Variants in ABL2 observed in about 807,000 individuals in gnomAD.
ABL2 encodes tyrosine-protein kinase ABL2.
A neutral mutation model predicts 107.7 loss-of-function variants in ABL2; 49 were observed. The observed-to-expected ratio is 0.45, with a 90% CI of 0.36 to 0.58. The LOEUF (loss-of-function observed/expected upper bound fraction) is 0.58. ABL2 is among the 20% of genes least tolerant of loss of function. The pLI is 0.00. For synonymous variants in ABL2, 549 were observed against 548.6 expected, an observed-to-expected ratio of 1.00 and a Z score of -0.01; for missense variants, 1,245 against 1,457.0, an observed-to-expected ratio of 0.85 and a Z score of 2.37.
chr1:179,215,028 C>T (rs944569279), intron 1 of ABL2, among the ~76,000 whole-genome samples: 9 of 151,908 alleles, frequency 5.9e-5, no homozygotes, highest in South Asian at 2.1e-4. Flanking sequence ...GGTGTGGTGG[C>T]GGGCGCCTGT....
chr1:179,184,494 A>G (rs557496494), intron 1 of ABL2: 2 of 774,726 alleles, frequency 2.6e-6, no homozygotes, highest in South Asian at 3.2e-5. Context: ...AGGAAAGTTC[A>G]TCAAAGATGA....
At chr1:179,162,402 T>C (rs1659121270) in intron 1 of ABL2, among the ~76,000 whole-genome samples, 1 of 152,024 alleles carries the variant, frequency 6.6e-6, no homozygotes, top group South Asian at 2.1e-4. Flanking sequence ...TGGGCCAATA[T>C]GGCGAAACCC....
At chr1:179,193,951 T>G (rs1342073306) in intron 1 of ABL2, among the ~76,000 whole-genome samples, 3 of 152,166 alleles carry the variant, frequency 2.0e-5, no homozygotes, top group African/African-American at 7.2e-5. Context: ...TTAGCCAGGA[T>G]GGTCTCGATC....
chr1:179,197,475 C>A (rs1661383872), intron 1 of ABL2, among the ~76,000 whole-genome samples: 1 of 149,956 alleles, frequency 6.7e-6, no homozygotes. Context: ...ACTATAAACT[C>A]AATTCACCAA....
intron 10 of ABL2, 47 bp downstream of exon 10, chr1:179,112,262 C>T: frequency 6.6e-7 from 1 of 1,517,554 alleles, no homozygotes; most frequent in Non-Finnish European, 9.1e-7. Context: ...ACCACCACCA[C>T]CACTACCCAG....
chr1:179,229,429 G>A lies in ABL2; in HGVS notation c.-32C>T, dbSNP rs1281532991. 6.8e-7 allele frequency: 1 copy of A among 1,471,298 alleles called. No homozygotes were observed. The highest frequency in any genetic ancestry group is 2.4e-5 in the Admixed American group (1 of 41,502). 91.1% of individuals were successfully genotyped at this position (1,471,298 alleles called of 1,614,324 possible). ...TCTCGCGTACTCCCGCGCCCCCGCC[G>A]ACCCCTGGTCACATTCCTCCTCGGC... On this transcript the variant is annotated 5_prime_UTR_variant, in exon 1 of 12. Coordinates refer to ENST00000502732, the MANE Select transcript of ABL2 (RefSeq NM_007314.4).
In ABL2 at chr1:179,180,659, C is replaced by T. The variant is rs1008201534; in HGVS notation, c.158-47285G>A. 1.1e-4 allele frequency among the ~76,000 whole-genome samples: 16 copies of T among 152,208 alleles called. 1 individual carries two copies. The highest frequency in any genetic ancestry group is 3.1e-4 in the African/African-American group (13 of 41,516). Reference sequence around the variant, plus strand: ...GGAACTATTCATATTTTAAACAGAACATTATACCAACAAAATAATAGAGGA... The same window carrying T: ...GGAACTATTCATATTTTAAACAGAATATTATACCAACAAAATAATAGAGGA... On this transcript the variant is annotated intron_variant, in intron 1 of 11. Coordinates refer to ENST00000502732, the MANE Select transcript of ABL2 (RefSeq NM_007314.4).
At chr1:179,117,074 G>C in intron 8 of ABL2, 1 of 459,036 alleles carries the variant, frequency 2.2e-6, no homozygotes, top group South Asian at 2.2e-5. Flanking sequence ...TTGACCTCAA[G>C]TGATCCACCC....
chr1:179,136,732 A>ATAAATGAG (rs1164866724), intron 1 of ABL2, among the ~76,000 whole-genome samples: 1 of 148,596 alleles, frequency 6.7e-6, no homozygotes, highest in Non-Finnish European at 1.5e-5. Context: ...AAATAAATAA[A>ATAAATGAG]TAAATAAATA....
rs1391429785 is a variant in ABL2, at chr1:179,121,580, T to C, written c.960+15A>G. ...AGAAAAAGATGCCTGAAAACTGTAA[T>C]TCTCAGCAACCCACCTTCAATGTTT... On this transcript the variant is annotated intron_variant, in intron 5 of 11. Transcript: ENST00000502732. 6.2e-7 allele frequency: 1 copy of C among 1,605,956 alleles called. No individual in the cohort carries two copies. The highest frequency in any genetic ancestry group is 8.5e-7 in the Non-Finnish European group (1 of 1,174,084).
chr1:179,138,871 G>A (rs1657292397), intron 1 of ABL2, among the ~76,000 whole-genome samples: 1 of 152,244 alleles, frequency 6.6e-6, no homozygotes. Context: ...GGGGCTGCCT[G>A]CCGCGCTTGC....
Position 179,102,041 on chromosome 1 carries a change from TCTCA to T in ABL2, c.*5673_*5676del, listed in dbSNP as rs1653145224. Reference sequence around the variant, plus strand: ...TTTTTTTTTTTTTTTTGAGACGGAGTCTCACTGTCACCCAGGCTGGAGTGCAGTG... The same window carrying T: ...TTTTTTTTTTTTTTTTGAGACGGAGTCTGTCACCCAGGCTGGAGTGCAGTG... On this transcript the variant is annotated 3_prime_UTR_variant, in exon 12 of 12. Coordinates refer to ENST00000502732, the MANE Select transcript of ABL2 (RefSeq NM_007314.4). The T allele has an allele frequency of 2.4e-5, 3 of 127,038 alleles. No homozygotes were observed. The South Asian group carries it at 9.1e-4, about 38-fold the overall frequency. 7.9% of individuals were successfully genotyped at this position (127,038 alleles called of 1,614,324 possible).
intron 1 of ABL2, among the ~76,000 whole-genome samples, chr1:179,174,919 AAAAT>A (rs1659957299): frequency 7.4e-6 from 1 of 134,972 alleles, no homozygotes; most frequent in Non-Finnish European, 1.6e-5. Context: ...TAAAATAAAA[AAAAT>A]AATAATAATA....
intron 1 of ABL2, among the ~76,000 whole-genome samples, chr1:179,211,288 C>T (rs544333378): frequency 6.6e-6 from 1 of 152,048 alleles, no homozygotes; most frequent in Non-Finnish European, 1.5e-5. Flanking sequence ...GAGGCTGAGG[C>T]GGGAGAATTG....
rs7534283 is a variant in ABL2 at position 179,173,104 on chromosome 1, C to T, written c.158-39730G>A. On this transcript the variant is annotated intron_variant, in intron 1 of 11. Coordinates refer to ENST00000502732, the MANE Select transcript of ABL2 (RefSeq NM_007314.4). ...ACCCAGGAGGCTTAGGCAGGAGAATCGCTGGAAGCCGGGAGGTGGAGGTTG... is the reference window on the plus strand; with the variant it reads ...ACCCAGGAGGCTTAGGCAGGAGAATTGCTGGAAGCCGGGAGGTGGAGGTTG... Among the ~76,000 whole-genome samples the T allele has an allele frequency of 1.4e-4, 21 of 151,130 alleles. No homozygotes were observed. The East Asian group carries it at 4.0e-3, about 29-fold the overall frequency.
At chr1:179,143,216 G>T in intron 1 of ABL2, 1 of 866,552 alleles carries the variant, frequency 1.2e-6, no homozygotes, top group Non-Finnish European at 1.6e-6. Flanking sequence ...GGTGGAGAGT[G>T]ACCTAAAGGA....
intron 3 of ABL2, 41 bp downstream of exon 3, chr1:179,131,270 T>A: frequency 6.3e-7 from 1 of 1,593,006 alleles, no homozygotes; most frequent in Non-Finnish European, 8.6e-7. Context: ...TAATCATTAA[T>A]GAAAACTGAA....
chr1:179,215,017 G>A (rs190090113), intron 1 of ABL2, among the ~76,000 whole-genome samples: 234 of 152,088 alleles, frequency 1.5e-3, no homozygotes, highest in Non-Finnish European at 2.6e-3. Context: ...AAAATTAGCC[G>A]GGTGTGGTGG....
intron 5 of ABL2, 100 bp from the exon 6 acceptor site, chr1:179,120,374 A>G: frequency 1.6e-6 from 1 of 607,680 alleles, no homozygotes; most frequent in Non-Finnish European, 2.8e-6. Flanking sequence ...TCAGCTTTAA[A>G]AGTAAAAACT....
Sources: gnomAD v4.1 joint callset for allele counts (sites outside exome capture counted in the v4.1 genomes callset) on GRCh38, gnomAD v4.1.1 for gene constraint, MANE v1.5 for transcripts, NCBI Gene and HGNC (gene_info 2026-07-23, HGNC 2026-07-21) for gene names.